The following USP18 variants were observed in gnomAD, a reference collection of about 807,000 sequenced individuals.
The protein encoded by USP18 is ubl carboxyl-terminal hydrolase 18.
USP18 carries 11 observed loss-of-function variants against 48.7 expected under a neutral mutation model. That is an observed-to-expected ratio of 0.23 (90% confidence interval 0.14 to 0.37). USP18 has a LOEUF of 0.37. Ranked by LOEUF, USP18 falls within the 10% of genes least tolerant of loss-of-function variation. The probability of loss-of-function intolerance (pLI) is 1.00; values close to 1 mark genes in which losing one functional copy is unlikely to be tolerated. For missense variants in USP18, 285 were observed against 436.4 expected (o/e 0.65, Z 3.09); for synonymous variants, 114 against 163.2 (o/e 0.70, Z 2.30).
chr22:18,157,892 G>A, intron 2 of USP18, 72 bp downstream of exon 2: 1 of 1,586,584 alleles, frequency 6.3e-7, no homozygotes, highest in Non-Finnish European at 8.6e-7. Flanking sequence ...CCGCTCTGAA[G>A]CCGCAGAGCT....
chr22:18,162,321 T>A (rs2542128), intron 4 of USP18, among the ~76,000 whole-genome samples: 1,863 of 150,980 alleles, frequency 0.012, 48 homozygotes, highest in African/African-American at 0.042. Context: ...CTATATTGGG[T>A]TGTGCATCAC....
intron 2 of USP18, among the ~76,000 whole-genome samples, chr22:18,159,414 A>G (rs9618223): frequency 0.12 from 18,280 of 151,790 alleles, 1,258 homozygotes; most frequent in African/African-American, 0.16. Context: ...TTTGTTTGCA[A>G]GCTGAATGAA....
chr22:18,150,780 C>T (rs899625888), intron 1 of USP18, among the ~76,000 whole-genome samples: 6 of 152,160 alleles, frequency 3.9e-5, no homozygotes, highest in African/African-American at 1.4e-4. Context: ...TGGAGAAACC[C>T]CGTCTCTACT....
At chr22:18,171,615 C>T (rs995312908) in intron 8 of USP18, among the ~76,000 whole-genome samples, 9 of 151,658 alleles carry the variant, frequency 5.9e-5, no homozygotes, top group Non-Finnish European at 8.8e-5. Flanking sequence ...TGGGCAACAG[C>T]GCAAGACCCC....
At position 18,158,546 on chromosome 22, in the gene USP18, C is replaced by T. The variant is rs533258268; in HGVS notation, c.157+726C>T. ...TTTCTTACTGTCCTATCTTGTAAGC[C>T]AAAGCCCTTTCCCCAAGAATCCTGA... On this transcript the variant is annotated intron_variant, in intron 2 of 10. Transcript: ENST00000215794. Among the ~76,000 whole-genome samples, 3 of 152,306 alleles carry T rather than the reference C, an allele frequency of 2.0e-5. No individual in the cohort carries two copies. In the East Asian group the frequency reaches 5.8e-4, roughly 29 times the overall value.
chr22:18,167,251 C>G lies in USP18; in HGVS notation c.401-4C>G. On this transcript the variant is annotated splice_polypyrimidine_tract_variant and splice_region_variant and intron_variant, in intron 4 of 10. Coordinates refer to ENST00000215794, the MANE Select transcript of USP18 (RefSeq NM_017414.4). ...AATTGGCTGTTCCTTTTCTCTGTGG[C>G]CAGTGTTTGTCCAACATGATGCTGC... The G allele has an allele frequency of 6.2e-7, 1 of 1,613,320 alleles. No individual in the cohort carries two copies. The highest frequency in any genetic ancestry group is 8.5e-7 in the Non-Finnish European group (1 of 1,179,600).
In USP18 at chr22:18,157,470, A is replaced by G. The variant is rs1020220595; in HGVS notation, c.-106-88A>G. ...TCTCCCCAAACATTTATCTCCCTCT[A>G]AGACCTGCTCTTTGGCATCAGAACG... On this transcript the variant is annotated intron_variant, in intron 1 of 10. Transcript: ENST00000215794. 3 of 695,410 alleles carry G rather than the reference A, an allele frequency of 4.3e-6. No individual in the cohort carries two copies. The African/African-American group carries it at 5.4e-5, about 12-fold the overall frequency. The allele number at this position is 695,410 out of a possible 1,614,324, so 43.1% of individuals were successfully genotyped here.
chr22:18,158,645 G>T (rs1929235054), intron 2 of USP18, among the ~76,000 whole-genome samples: 2 of 152,058 alleles, frequency 1.3e-5, no homozygotes, highest in African/African-American at 2.4e-5. Flanking sequence ...GGTTGCTAGG[G>T]GTCAGACAAA....
chr22:18,151,212 C>A (rs183341672), intron 1 of USP18, among the ~76,000 whole-genome samples: 36 of 152,234 alleles, frequency 2.4e-4, no homozygotes, highest in Admixed American at 3.9e-4. Flanking sequence ...CTTCTTCACA[C>A]CCTTTTCCTT....
In USP18 at chr22:18,150,207, T is replaced by C. The variant is rs1344493612; in HGVS notation, c.-122T>C. 2 of 152,260 alleles carry C rather than the reference T, an allele frequency of 1.3e-5. No individual in the cohort carries two copies. The highest frequency in any genetic ancestry group is 4.8e-5 in the African/African-American group (2 of 41,472). 9.4% of individuals were successfully genotyped at this position (152,260 alleles called of 1,614,324 possible). A position where few individuals can be genotyped will look rare whatever the true frequency, so the allele number is the denominator to read the frequency against. On this transcript the variant is annotated 5_prime_UTR_variant, in exon 1 of 11. Coordinates refer to ENST00000215794, the MANE Select transcript of USP18 (RefSeq NM_017414.4). ...GAACTCAGCAGCGGAGGCTGGACGC[T>C]TGCATGGCGCTTGAGGCAAGTTCGG...
At chr22:18,155,876 C>A (rs1470876556) in intron 1 of USP18, among the ~76,000 whole-genome samples, 3 of 152,220 alleles carry the variant, frequency 2.0e-5, no homozygotes, top group Non-Finnish European at 4.4e-5. Flanking sequence ...AGTGCGGGCG[C>A]ACGGCGCGGG....
chr22:18,157,370 A>C (rs1465903768), intron 1 of USP18, among the ~76,000 whole-genome samples, 188 bp from the exon 2 acceptor site: 1 of 152,176 alleles, frequency 6.6e-6, no homozygotes, highest in African/African-American at 2.4e-5. Flanking sequence ...CTGAGGATGA[A>C]TGGAAACGCC....
Position 18,167,304 on chromosome 22 carries a change from G to C in USP18, c.450G>C (p.Leu150=), listed in dbSNP as rs771764066. The part of the protein sequence containing the change: ...AAQLYLKLWN[L]IKDQITDVHL... ...AACTGTACCTCAAACTCTGGAACCT[G>C]ATTAAGGACCAGATCACTGATGTGC... The change falls in exon 5 of 11, where the codon CTG becomes CTC. Residue 150 remains leucine, a synonymous_variant. Transcript: ENST00000215794. 3.7e-6 allele frequency: 6 copies of C among 1,613,768 alleles called. No homozygotes were observed. Among genetic ancestry groups the C allele is most frequent in the Middle Eastern group, 1.6e-4 (1 of 6,078 alleles).
chr22:18,157,847 T>C (rs755690823), intron 2 of USP18, 27 bp downstream of exon 2: 8 of 1,612,960 alleles, frequency 5.0e-6, no homozygotes, highest in South Asian at 3.3e-5. Context: ...CGTTTTCCTC[T>C]TCTTGACTGC....
At chr22:18,158,936 G>GTT (rs113745107) in intron 2 of USP18, among the ~76,000 whole-genome samples, 11,805 of 151,536 alleles carry the variant, frequency 0.078, 574 homozygotes, top group South Asian at 0.11. Context: ...TTTCTCTAAT[G>GTT]TTTTTTTTTC....
chr22:18,167,245 C>T lies in USP18; in HGVS notation c.401-10C>T. The T allele has an allele frequency of 6.2e-7, 1 of 1,613,378 alleles. No individual in the cohort carries two copies. The highest frequency in any genetic ancestry group is 8.5e-7 in the Non-Finnish European group (1 of 1,179,598). On this transcript the variant is annotated splice_polypyrimidine_tract_variant and intron_variant, in intron 4 of 10. Transcript: ENST00000215794. ...CTCACTAATTGGCTGTTCCTTTTCT[C>T]TGTGGCCAGTGTTTGTCCAACATGA...
chr22:18,159,672 ATTTTTTTTTTT>A (rs34386839), intron 2 of USP18, among the ~76,000 whole-genome samples: 1 of 76,912 alleles, frequency 1.3e-5, no homozygotes, highest in Non-Finnish European at 2.4e-5. Flanking sequence ...TGATTTTTGG[ATTTTTTTTTTT>A]TTTTTTTTTT....
At chr22:18,153,581 T>C (rs1268109374) in intron 1 of USP18, among the ~76,000 whole-genome samples, 1 of 152,192 alleles carries the variant, frequency 6.6e-6, no homozygotes, top group African/African-American at 2.4e-5. Context: ...CATGCCACCA[T>C]GCTAGGCTAA....
chr22:18,165,589 T>G (rs1360737177), intron 4 of USP18, among the ~76,000 whole-genome samples: 1 of 150,062 alleles, frequency 6.7e-6, no homozygotes, highest in African/African-American at 2.5e-5. Context: ...AGACATTCCC[T>G]GCTGGGCAAA....
Sources: gnomAD v4.1 joint callset for allele counts (sites outside exome capture counted in the v4.1 genomes callset) on GRCh38, gnomAD v4.1.1 for gene constraint, MANE v1.5 for transcripts, NCBI Gene and HGNC (gene_info 2026-07-23, HGNC 2026-07-21) for gene names.